GLIPR1L1: variants seen among roughly 807,000 people sequenced by gnomAD.
GLIPR1L1 encodes GLIPR1 like 1, also known as GLIPR1-like protein 1.
A neutral mutation model predicts 29.9 loss-of-function variants in GLIPR1L1; 26 were observed. That is an observed-to-expected ratio of 0.87 (90% confidence interval 0.64 to 1.21). The LOEUF (loss-of-function observed/expected upper bound fraction) is 1.21, where lower values mean the gene tolerates loss of function less well. GLIPR1L1 is among the 50% of genes most tolerant of loss of function. The pLI, the probability that GLIPR1L1 is intolerant of heterozygous loss-of-function variation, is 0.00. For synonymous variants in GLIPR1L1, 77 were observed against 97.5 expected (o/e 0.79, Z 1.24); for missense variants, 305 against 290.3 (o/e 1.05, Z -0.37).
intron 1 of GLIPR1L1, among the ~76,000 whole-genome samples, chr12:75,341,282 T>C (rs1323647633): frequency 2.6e-5 from 4 of 152,156 alleles, no homozygotes; most frequent in Admixed American, 6.5e-5. Context: ...AAAGTTAAAC[T>C]GTGGTACATC....
At position 75,368,350 on chromosome 12, in the gene GLIPR1L1, T is replaced by G. The variant is rs369525988; in HGVS notation, c.611-1610T>G. On this transcript the variant is annotated intron_variant, in intron 4 of 5. Transcript: ENST00000378695. The stretch of plus-strand genomic sequence containing the variant: ...TTGCTGAGTTTTTAATTTGAATACA[T>G]GTTAACTTTAACAATTTTTTCCTGC... 1.7e-4 allele frequency among the ~76,000 whole-genome samples: 26 copies of G among 151,906 alleles called. 1 individual carries two copies. Among genetic ancestry groups the G allele is most frequent in the East Asian group, 9.7e-4 (5 of 5,162 alleles).
rs911983335 is a variant in GLIPR1L1, at chr12:75,336,301, G to A, written c.174+1399G>A. On this transcript the variant is annotated intron_variant, in intron 1 of 5. Transcript: ENST00000378695. ...GAACAAGGAACAAAAGAACAAAGAG[G>A]GAATCATTTAAAAATAGCAAATGGT... is the stretch of plus-strand genomic sequence containing the variant. 6.5e-4 allele frequency among the ~76,000 whole-genome samples: 99 copies of A among 151,246 alleles called. 1 individual carries two copies. The highest frequency in any genetic ancestry group is 6.4e-3 in the Admixed American group (98 of 15,216).
At chr12:75,369,716 T>C (rs1242510765) in intron 4 of GLIPR1L1, 2 of 985,126 alleles carry the variant, frequency 2.0e-6, no homozygotes, top group African/African-American at 3.5e-5. Flanking sequence ...TTTCTGGTTT[T>C]GACTTTTGTG....
chr12:75,358,100 C>T (rs11180473), intron 3 of GLIPR1L1, among the ~76,000 whole-genome samples: 42,958 of 150,748 alleles, frequency 0.28, 7,574 homozygotes, highest in East Asian at 0.45. Context: ...ATCTGCAAAC[C>T]ATACTGATCA....
In GLIPR1L1 at chr12:75,370,136, AT is replaced by A. The variant is rs1354978716; in HGVS notation, c.690del (p.Pro231HisfsTer4). 6.2e-7 allele frequency: 1 copy of A among 1,604,960 alleles called. No homozygotes were observed. Among genetic ancestry groups the A allele is most frequent in the Non-Finnish European group, 8.5e-7 (1 of 1,173,384 alleles). On this transcript the variant is annotated frameshift_variant, in exon 6 of 6. Coordinates refer to ENST00000378695, the MANE Select transcript of GLIPR1L1 (RefSeq NM_001304964.2). LOFTEE classifies it low-confidence loss of function (END_TRUNC). ...TGRAPQQTAFNPFSLGFLLLR... is the reference protein window; with the variant it reads ...TGRAPQQTAFXPFSLGFLLLR... ...AGAGCACCTCAGCAGACAGCCTTTA[AT>A]CCATTCAGCTTAGGTTTTCTTCTTC...
chr12:75,363,192 T>C lies in GLIPR1L1; in HGVS notation c.610+2T>C, dbSNP rs1386683679. ...AGAAATGTGTAAAGAACCTCTGCAG[T>C]AAGCAAAAATATATATATATAATTA... is the stretch of plus-strand genomic sequence containing the variant. On this transcript the variant is annotated splice_donor_variant, in intron 4 of 5. Coordinates refer to ENST00000378695, the MANE Select transcript of GLIPR1L1 (RefSeq NM_001304964.2). LOFTEE classifies it high-confidence loss of function. 3.7e-6 allele frequency: 5 copies of C among 1,334,616 alleles called. No individual in the cohort carries two copies. The highest frequency in any genetic ancestry group is 5.0e-6 in the Non-Finnish European group (5 of 991,552). 82.7% of individuals were successfully genotyped at this position (1,334,616 alleles called of 1,614,324 possible).
chr12:75,364,869 C>T (rs1026043934), intron 4 of GLIPR1L1: 10 of 152,052 alleles, frequency 6.6e-5, no homozygotes, highest in African/African-American at 2.4e-4. Context: ...ACCCAGGAGG[C>T]TTTGTCATGG....
chr12:75,367,999 T>A (rs1425027563), intron 4 of GLIPR1L1, among the ~76,000 whole-genome samples: 1 of 152,162 alleles, frequency 6.6e-6, no homozygotes, highest in Non-Finnish European at 1.5e-5. Flanking sequence ...TTAATTTGAA[T>A]AAATGTTAAC....
chr12:75,354,659 T>G (rs1367249387), intron 3 of GLIPR1L1, among the ~76,000 whole-genome samples: 1 of 151,758 alleles, frequency 6.6e-6, no homozygotes, highest in East Asian at 1.9e-4. Flanking sequence ...CAAAAAAGGG[T>G]TTGTGTAGCC....
At chr12:75,363,352 A>C in intron 4 of GLIPR1L1, among the ~76,000 whole-genome samples, 162 bp downstream of exon 4, 1 of 152,184 alleles carries the variant, frequency 6.6e-6, no homozygotes, top group Admixed American at 6.5e-5. Context: ...ACTTAAACTC[A>C]GATGATTCCT....
At chr12:75,367,679 CTTA>C (rs1482415615) in intron 4 of GLIPR1L1, among the ~76,000 whole-genome samples, 5 of 152,100 alleles carry the variant, frequency 3.3e-5, no homozygotes, top group Non-Finnish European at 7.4e-5. Flanking sequence ...ACCAAACTCT[CTTA>C]TTATTTCTGA....
chr12:75,367,860 C>T (rs1487015377), intron 4 of GLIPR1L1, among the ~76,000 whole-genome samples: 1 of 152,116 alleles, frequency 6.6e-6, no homozygotes, highest in African/African-American at 2.4e-5. Context: ...TAACAATAGA[C>T]ACACCCTTCT....
chr12:75,344,876 C>A (rs1231329443), intron 2 of GLIPR1L1, among the ~76,000 whole-genome samples: 1 of 152,094 alleles, frequency 6.6e-6, no homozygotes, highest in Non-Finnish European at 1.5e-5. Context: ...ACTACAGAGG[C>A]AAGATTCTTC....
At chr12:75,348,317 C>G (rs2042585838) in intron 3 of GLIPR1L1, among the ~76,000 whole-genome samples, 1 of 151,988 alleles carries the variant, frequency 6.6e-6, no homozygotes, top group African/African-American at 2.4e-5. Context: ...AAGATAAAAA[C>G]AAAGACAAAG....
intron 4 of GLIPR1L1, chr12:75,367,007 TGAG>T (rs2044014565): frequency 1.4e-6 from 1 of 701,540 alleles, no homozygotes; most frequent in Non-Finnish European, 2.6e-6. Context: ...TCTTCAGAGC[TGAG>T]GAGGTAAGTC....
At chr12:75,360,306 C>A (rs1159632432) in intron 3 of GLIPR1L1, 1 of 152,162 alleles carries the variant, frequency 6.6e-6, no homozygotes, top group African/African-American at 2.4e-5. Flanking sequence ...TAAATGATTT[C>A]AGCATTAACT....
At chr12:75,364,349 T>TC (rs2043822675) in intron 4 of GLIPR1L1, among the ~76,000 whole-genome samples, 1 of 152,204 alleles carries the variant, frequency 6.6e-6, no homozygotes, top group Admixed American at 6.5e-5. Context: ...GTTTACATTC[T>TC]CCCCCTTCTG....
chr12:75,367,120 C>T, intron 4 of GLIPR1L1: 1 of 672,952 alleles, frequency 1.5e-6, no homozygotes, highest in Non-Finnish European at 2.7e-6. Flanking sequence ...GGAGAAGACA[C>T]TTTAGAATAC....
chr12:75,360,174 C>T (rs990846881), intron 3 of GLIPR1L1: 20 of 152,094 alleles, frequency 1.3e-4, no homozygotes, highest in Middle Eastern at 3.2e-3. Context: ...AATTACAATT[C>T]GAGATAAGGT....
Sources: allele counts gnomAD v4.1 joint callset (sites outside exome capture counted in the v4.1 genomes callset), GRCh38; gene constraint gnomAD v4.1.1; transcripts MANE v1.5; gene names NCBI Gene and HGNC (gene_info 2026-07-23, HGNC 2026-07-21).